Variants in SIM1 observed in about 807,000 individuals in gnomAD.
The protein encoded by SIM1 is SIM bHLH transcription factor 1, also known as single-minded homolog 1.
SIM1 carries 18 observed loss-of-function variants against 78.2 expected under a neutral mutation model. The observed-to-expected ratio is 0.23, with a 90% CI of 0.16 to 0.34. The LOEUF (loss-of-function observed/expected upper bound fraction) is 0.34, where lower values mean the gene tolerates loss of function less well. Among genes scored for constraint, SIM1 ranks in the 10% least tolerant of loss-of-function variants. SIM1 has a pLI of 1.00. For missense variants in SIM1, 939 were observed against 975.1 expected (o/e 0.96, Z 0.49); for synonymous variants, 417 against 385.2 (o/e 1.08, Z -0.97).
At chr6:100,412,628 G>A (rs1339852770) in intron 10 of SIM1, among the ~76,000 whole-genome samples, 1 of 90,134 alleles carries the variant, frequency 1.1e-5, no homozygotes, top group African/African-American at 3.9e-5. Flanking sequence ...AAGAAGGAAA[G>A]AAAGAAAGAA....
chr6:100,408,028 T>C (rs1420125933), intron 10 of SIM1, among the ~76,000 whole-genome samples: 1 of 152,180 alleles, frequency 6.6e-6, no homozygotes, highest in Non-Finnish European at 1.5e-5. Flanking sequence ...TCAGTGCTTT[T>C]GGTGTCATGT....
intron 9 of SIM1, chr6:100,427,014 G>A (rs1012938065): frequency 2.0e-5 from 3 of 152,230 alleles, no homozygotes; most frequent in Non-Finnish European, 1.5e-5. Context: ...GCATTAAACC[G>A]TGATCGGATT....
At chr6:100,401,331 T>C (rs973223502) in intron 10 of SIM1, among the ~76,000 whole-genome samples, 1 of 152,162 alleles carries the variant, frequency 6.6e-6, no homozygotes, top group Admixed American at 6.5e-5. Flanking sequence ...TATAGACTCT[T>C]GGACTAAGTC....
chr6:100,407,433 T>G (rs1771078368), intron 10 of SIM1, among the ~76,000 whole-genome samples: 1 of 152,158 alleles, frequency 6.6e-6, no homozygotes, highest in South Asian at 2.1e-4. Flanking sequence ...TGCAGACATC[T>G]CAACATACTG....
intron 9 of SIM1, among the ~76,000 whole-genome samples, chr6:100,439,484 T>C (rs1477121491): frequency 6.6e-6 from 1 of 152,154 alleles, no homozygotes; most frequent in Non-Finnish European, 1.5e-5. Context: ...AACTCTTCTA[T>C]TTCACCAACT....
intron 9 of SIM1, among the ~76,000 whole-genome samples, chr6:100,439,675 T>A (rs1403339317): frequency 4.6e-5 from 7 of 152,178 alleles, no homozygotes. Flanking sequence ...GTTTGGTGTT[T>A]TATGCACATT....
rs1772790924 is a variant in SIM1, at chr6:100,459,863, T to C, written c.175+3431A>G. Among the ~76,000 whole-genome samples the C allele has an allele frequency of 2.0e-5, 3 of 152,380 alleles. No individual in the cohort carries two copies. In the South Asian group the frequency reaches 6.2e-4, roughly 32 times the overall value. ...TTTAGAGCTGGATAACAAATATGTA[T>C]GTCTTTCTAGTTGAATTTGTCCTAT... On this transcript the variant is annotated intron_variant, in intron 2 of 11. Coordinates refer to ENST00000369208, the MANE Select transcript of SIM1 (RefSeq NM_005068.3).
At chr6:100,420,668 T>A (rs1479076935) in intron 10 of SIM1, 122 bp downstream of exon 10, 3 of 907,824 alleles carry the variant, frequency 3.3e-6, no homozygotes, top group Non-Finnish European at 5.1e-6. Context: ...CCTTCCAGAT[T>A]TATAGAAGTT....
At chr6:100,449,724 C>T (rs1562255668) in intron 4 of SIM1, 25 bp from the exon 5 acceptor site, 2 of 1,591,906 alleles carry the variant, frequency 1.3e-6, no homozygotes, top group African/African-American at 1.3e-5. Flanking sequence ...ATGTCGCCGT[C>T]GCCGTGGCGG....
Position 100,453,855 on chromosome 6 carries a change from A to G in SIM1, c.176-11T>C, listed in dbSNP as rs1252587549. 6.2e-7 allele frequency: 1 copy of G among 1,605,710 alleles called. No homozygotes were observed. The highest frequency in any genetic ancestry group is 2.2e-5 in the East Asian group (1 of 44,464). ...ACGCCTCGCCGAGCCCTGTGGAGAC[A>G]CAGAAGCATCCTGTAGCCACTGAAC... On this transcript the variant is annotated splice_polypyrimidine_tract_variant and intron_variant, in intron 2 of 11. Coordinates refer to ENST00000369208, the MANE Select transcript of SIM1 (RefSeq NM_005068.3).
chr6:100,412,263 A>G (rs1259990071), intron 10 of SIM1, among the ~76,000 whole-genome samples: 1 of 152,090 alleles, frequency 6.6e-6, no homozygotes, highest in Non-Finnish European at 1.5e-5. Flanking sequence ...TGGGCTGGGC[A>G]TGGTAGCTTG....
At chr6:100,447,171 GCCC>G (rs1772376905) in intron 9 of SIM1, 94 bp downstream of exon 9, 3 of 1,411,162 alleles carry the variant, frequency 2.1e-6, no homozygotes, top group Admixed American at 4.2e-5. Context: ...ATTCCCCGTG[GCCC>G]GAGCCTTGTC....
At chr6:100,440,008 C>A (rs555093754) in intron 9 of SIM1, among the ~76,000 whole-genome samples, 4 of 152,218 alleles carry the variant, frequency 2.6e-5, no homozygotes, top group African/African-American at 9.6e-5. Context: ...AAATAAACAC[C>A]TAAATTTATG....
intron 8 of SIM1, 95 bp from the exon 9 acceptor site, chr6:100,447,510 T>A: frequency 7.3e-7 from 1 of 1,376,344 alleles, no homozygotes; most frequent in Non-Finnish European, 1.0e-6. Context: ...GGGCTCCCTG[T>A]GGGCCCTAAT....
At chr6:100,400,270 G>A (rs889029780) in intron 10 of SIM1, among the ~76,000 whole-genome samples, 1 of 151,756 alleles carries the variant, frequency 6.6e-6, no homozygotes, top group Non-Finnish European at 1.5e-5. Context: ...AAATTGTATG[G>A]CTATATATCA....
intron 10 of SIM1, among the ~76,000 whole-genome samples, chr6:100,410,887 G>A (rs918722384): frequency 1.3e-5 from 2 of 152,074 alleles, no homozygotes; most frequent in Non-Finnish European, 2.9e-5. Context: ...CAGTGAGGAG[G>A]GAACAAGAGT....
chr6:100,428,903 T>C (rs1771815940), intron 9 of SIM1, among the ~76,000 whole-genome samples: 1 of 152,164 alleles, frequency 6.6e-6, no homozygotes, highest in Admixed American at 6.5e-5. Context: ...AAACATGCTC[T>C]TTTTCCCTCT....
At chr6:100,446,734 T>C (rs1327362551) in intron 9 of SIM1, among the ~76,000 whole-genome samples, 1 of 152,220 alleles carries the variant, frequency 6.6e-6, no homozygotes, top group Admixed American at 6.5e-5. Context: ...AGCGTTCTCT[T>C]GGGTCCCTTA....
intron 9 of SIM1, among the ~76,000 whole-genome samples, chr6:100,435,004 A>C (rs1320778886): frequency 6.6e-6 from 1 of 152,212 alleles, no homozygotes; most frequent in East Asian, 1.9e-4. Context: ...GTAAAATATT[A>C]AATGTTCTAA....
Sources: allele counts gnomAD v4.1 joint callset (sites outside exome capture counted in the v4.1 genomes callset), GRCh38; gene constraint gnomAD v4.1.1; transcripts MANE v1.5; gene names NCBI Gene and HGNC (gene_info 2026-07-23, HGNC 2026-07-21).